Variants in C5orf24 observed in about 807,000 individuals in gnomAD.
The protein encoded by C5orf24 is UPF0461 protein C5orf24.
A neutral mutation model predicts 9.8 loss-of-function variants in C5orf24; 4 were observed. The ratio of observed to expected loss-of-function variants is 0.41; its 90% CI spans 0.20 to 0.93. The LOEUF (loss-of-function observed/expected upper bound fraction) is 0.93. C5orf24 is among the 40% of genes least tolerant of loss of function. The pLI is 0.33. For missense variants in C5orf24, 170 were observed against 236.9 expected, an observed-to-expected ratio of 0.72 and a Z score of 1.85; for synonymous variants, 73 against 81.3, an observed-to-expected ratio of 0.90 and a Z score of 0.55.
chr5:134,848,993 C>G (rs1362333939), intron 1 of C5orf24, among the ~76,000 whole-genome samples: 1 of 150,554 alleles, frequency 6.6e-6, no homozygotes, highest in Non-Finnish European at 1.5e-5. Context: ...CGCGGTGGCT[C>G]ACGCCTGTAA....
At chr5:134,847,111 G>T (rs1206327854) in intron 1 of C5orf24, among the ~76,000 whole-genome samples, 1 of 152,102 alleles carries the variant, frequency 6.6e-6, no homozygotes, top group South Asian at 2.1e-4. Context: ...GAAGAGAAAG[G>T]AATTGTTCTA....
intron 1 of C5orf24, chr5:134,846,549 G>A (rs1756001653): frequency 6.6e-6 from 1 of 152,246 alleles, no homozygotes; most frequent in Non-Finnish European, 1.5e-5. Context: ...AACTCCGAGT[G>A]GACGGATAGC....
intron 1 of C5orf24, 80 bp from the exon 2 acceptor site, chr5:134,854,818 C>A: frequency 6.8e-7 from 1 of 1,474,036 alleles, no homozygotes. Context: ...GGAAGACAGA[C>A]TGTTTTCTCA....
Position 134,855,762 on chromosome 5 carries a change from T to C in C5orf24, c.*295T>C. 1 of 1,256,834 alleles carries C rather than the reference T, an allele frequency of 8.0e-7. No individual in the cohort carries two copies. The allele number at this position is 1,256,834 out of a possible 1,614,324, so 77.9% of individuals were successfully genotyped here. A position where few individuals can be genotyped will look rare whatever the true frequency, so the allele number is the denominator to read the frequency against. ...ATGTTTCATTACTACTTTGGGGCTG[T>C]TCTAAATAGATGCTTTATGTGATAA... On this transcript the variant is annotated 3_prime_UTR_variant, in exon 2 of 2. Coordinates refer to ENST00000394976, the MANE Select transcript of C5orf24 (RefSeq NM_001135586.1).
intron 1 of C5orf24, among the ~76,000 whole-genome samples, chr5:134,852,657 A>G (rs1466041039): frequency 6.6e-6 from 1 of 152,214 alleles, no homozygotes; most frequent in Non-Finnish European, 1.5e-5. Context: ...CTTAATATAC[A>G]TTTGTGACTC....
At position 134,855,247 on chromosome 5, in the gene C5orf24, C is replaced by G; in HGVS notation, c.347C>G (p.Ala116Gly). 6.2e-7 allele frequency: 1 copy of G among 1,614,108 alleles called. No individual in the cohort carries two copies. Among genetic ancestry groups the G allele is most frequent in the East Asian group, 2.2e-5 (1 of 44,882 alleles). The change falls in exon 2 of 2, where the codon GCT (alanine) becomes GGT (glycine). Residue 116 changes from alanine (A) to glycine (G), a missense_variant. By Grantham distance (60) the Ala-to-Gly change is moderately conservative. Around this residue, in one of 3 missense-constraint regions of C5orf24, gnomAD observed 21 missense variants for 72.2 expected, o/e 0.29. Transcript: ENST00000394976. ...TGRPLGTTKA[A>G]GFKTSPGRPL... ...AGACCCCTGGGAACCACCAAAGCAG[C>G]TGGATTTAAGACAAGTCCAGGCAGA...
At chr5:134,843,164 A>T (rs1379591660), upstream of C5orf24, among the ~76,000 whole-genome samples, 1 of 151,944 alleles carries the variant, frequency 6.6e-6, no homozygotes, top group Non-Finnish European at 1.5e-5. Flanking sequence ...TTTACTAGAT[A>T]CGAGGTTTCG....
rs1756354269 is a variant in C5orf24, at chr5:134,857,862, T to G, written c.*2395T>G. Reference sequence around the variant, plus strand: ...TATTGTGTTTTATAGTAAGTCCATTTGACATTTATTTCCCTTTCAGTTTAT... The same window carrying G: ...TATTGTGTTTTATAGTAAGTCCATTGGACATTTATTTCCCTTTCAGTTTAT... On this transcript the variant is annotated 3_prime_UTR_variant, in exon 2 of 2. Coordinates refer to ENST00000394976, the MANE Select transcript of C5orf24 (RefSeq NM_001135586.1). 6.0e-6 allele frequency: 1 copy of G among 167,682 alleles called. No individual in the cohort carries two copies. Among genetic ancestry groups the G allele is most frequent in the African/African-American group, 2.4e-5 (1 of 41,488 alleles). 10.4% of individuals were successfully genotyped at this position (167,682 alleles called of 1,614,324 possible).
At chr5:134,847,944 C>T (rs1010245516) in intron 1 of C5orf24, among the ~76,000 whole-genome samples, 3 of 152,238 alleles carry the variant, frequency 2.0e-5, no homozygotes, top group Non-Finnish European at 4.4e-5. Context: ...CTCAACTGAT[C>T]TGCCCACCTG....
intron 1 of C5orf24, among the ~76,000 whole-genome samples, chr5:134,852,259 C>T (rs1756180350): frequency 6.6e-6 from 1 of 152,108 alleles, no homozygotes; most frequent in Non-Finnish European, 1.5e-5. Flanking sequence ...GTTCTTGTAT[C>T]TGTGGGGAAT....
rs1756365211 is a variant in C5orf24, at chr5:134,858,333, T to A, written c.*2866T>A. On this transcript the variant is annotated 3_prime_UTR_variant, in exon 2 of 2. Transcript: ENST00000394976. ...CTAAGTGATAACATGAATGAAGTCT[T>A]AAAATTTAAAGTATTTTTACTGCTA... 6.0e-6 allele frequency: 1 copy of A among 167,072 alleles called. No individual in the cohort carries two copies. Among genetic ancestry groups the A allele is most frequent in the African/African-American group, 2.4e-5 (1 of 41,474 alleles). The allele number at this position is 167,072 out of a possible 1,614,324, so 10.3% of individuals were successfully genotyped here. A position where few individuals can be genotyped will look rare whatever the true frequency, so the allele number is the denominator to read the frequency against.
intron 1 of C5orf24, among the ~76,000 whole-genome samples, chr5:134,850,954 A>T (rs1039415332): frequency 8.0e-5 from 12 of 150,764 alleles, no homozygotes; most frequent in Middle Eastern, 3.5e-3. Context: ...ACACACACAC[A>T]CTACACACAC....
Position 134,857,297 on chromosome 5 carries a change from T to C in C5orf24, c.*1830T>C. 1 of 1,499,242 alleles carries C rather than the reference T, an allele frequency of 6.7e-7. No individual in the cohort carries two copies. Among genetic ancestry groups the C allele is most frequent in the South Asian group, 1.3e-5 (1 of 76,106 alleles). The allele number at this position is 1,499,242 out of a possible 1,614,324, so 92.9% of individuals were successfully genotyped here. ...AGAGCACATGTTGTGTTTTTTGGGC[T>C]TGCTATTAATGCAAACTCTGATTGC... On this transcript the variant is annotated 3_prime_UTR_variant, in exon 2 of 2. Coordinates refer to ENST00000394976, the MANE Select transcript of C5orf24 (RefSeq NM_001135586.1).
chr5:134,850,338 G>A lies in C5orf24; in HGVS notation c.-4+4126G>A, dbSNP rs536053951. The stretch of plus-strand genomic sequence containing the variant: ...TAAATTTTATTTTTAGTAGAGATGG[G>A]GTTTCTCCATGTTGGTCAGGCTGGT... On this transcript the variant is annotated intron_variant, in intron 1 of 1. Transcript: ENST00000394976. Among the ~76,000 whole-genome samples the A allele has an allele frequency of 5.9e-5, 9 of 151,548 alleles. No individual in the cohort carries two copies. The East Asian group carries it at 1.6e-3, about 27-fold the overall frequency.
chr5:134,848,289 C>T (rs1451421185), intron 1 of C5orf24, among the ~76,000 whole-genome samples: 1 of 151,640 alleles, frequency 6.6e-6, no homozygotes, highest in Non-Finnish European at 1.5e-5. Flanking sequence ...CCAGCCTGGG[C>T]GACAGAGCAA....
chr5:134,846,521 G>A (rs1756000959), intron 1 of C5orf24: 1 of 152,238 alleles, frequency 6.6e-6, no homozygotes, highest in Admixed American at 6.5e-5. Context: ...GAGTGCCCGT[G>A]GACTTCTACG....
chr5:134,847,257 A>T (rs1163116590), intron 1 of C5orf24, among the ~76,000 whole-genome samples: 1 of 151,988 alleles, frequency 6.6e-6, no homozygotes, highest in Non-Finnish European at 1.5e-5. Context: ...CTCTTAGTTG[A>T]CTCCTGTACA....
At chr5:134,842,343 A>C (rs1011800759), upstream of C5orf24, among the ~76,000 whole-genome samples, 1 of 152,082 alleles carries the variant, frequency 6.6e-6, no homozygotes, top group African/African-American at 2.4e-5. Flanking sequence ...TACAAAAATT[A>C]GCCAGGCATG....
chr5:134,854,403 G>A (rs1325039413), intron 1 of C5orf24, among the ~76,000 whole-genome samples: 1 of 152,192 alleles, frequency 6.6e-6, no homozygotes, highest in African/African-American at 2.4e-5. Context: ...TTACAATAAC[G>A]ATGGAGTGTC....
Sources: allele counts gnomAD v4.1 joint callset (sites outside exome capture counted in the v4.1 genomes callset), GRCh38; gene constraint gnomAD v4.1.1; regional missense constraint gnomAD v4.1.1; transcripts MANE v1.5; gene names NCBI Gene and HGNC (gene_info 2026-07-23, HGNC 2026-07-21).